The following EPAS1 variants were observed in gnomAD, a reference collection of about 807,000 sequenced individuals.
EPAS1 encodes the protein endothelial PAS domain protein 1, also known as endothelial PAS domain-containing protein 1.
EPAS1 carries 23 observed loss-of-function variants against 87.9 expected under a neutral mutation model. That is an observed-to-expected ratio of 0.26 (90% confidence interval 0.19 to 0.37). The LOEUF (loss-of-function observed/expected upper bound fraction) is 0.37, where lower values mean the gene tolerates loss of function less well. Ranked by LOEUF, EPAS1 falls within the 10% of genes least tolerant of loss-of-function variation. The pLI, the probability that EPAS1 is intolerant of heterozygous loss-of-function variation, is 1.00. For missense variants in EPAS1, 1,138 were observed against 1,120.7 expected, an observed-to-expected ratio of 1.02 and a Z score of -0.22; for synonymous variants, 508 against 444.3, an observed-to-expected ratio of 1.14 and a Z score of -1.80.
chr2:46,378,786 C>G lies in EPAS1; in HGVS notation c.1554+19C>G. On this transcript the variant is annotated intron_variant, in intron 11 of 15. Coordinates refer to ENST00000263734, the MANE Select transcript of EPAS1 (RefSeq NM_001430.5). ...TACCCAGGTAGATGGCTGTGGAGATCAGGCTAGGGTGTGTGCCTGCTGTCT... is the reference window on the plus strand; with the variant it reads ...TACCCAGGTAGATGGCTGTGGAGATGAGGCTAGGGTGTGTGCCTGCTGTCT... 1 of 1,596,244 alleles carries G rather than the reference C, an allele frequency of 6.3e-7. No individual in the cohort carries two copies. Among genetic ancestry groups the G allele is most frequent in the Non-Finnish European group, 8.6e-7 (1 of 1,163,740 alleles).
rs1294052630 is a variant in EPAS1 at position 46,386,583 on chromosome 2, A to G, written c.*1923A>G. 1 of 152,686 alleles carries G rather than the reference A, an allele frequency of 6.5e-6. No homozygotes were observed. The highest frequency in any genetic ancestry group is 2.4e-5 in the African/African-American group (1 of 41,476). 9.5% of individuals were successfully genotyped at this position (152,686 alleles called of 1,614,324 possible). ...CCCTACCTGTCAACGTAACGATTTCATGAACGTTATTATATTGTCGAATTC... is the reference window on the plus strand; with the variant it reads ...CCCTACCTGTCAACGTAACGATTTCGTGAACGTTATTATATTGTCGAATTC... On this transcript the variant is annotated 3_prime_UTR_variant, in exon 16 of 16. Coordinates refer to ENST00000263734, the MANE Select transcript of EPAS1 (RefSeq NM_001430.5).
At chr2:46,301,024 TA>T (rs1056767486) in intron 1 of EPAS1, among the ~76,000 whole-genome samples, 10 of 152,372 alleles carry the variant, frequency 6.6e-5, no homozygotes, top group African/African-American at 2.4e-4. Flanking sequence ...TCCATTGTAT[TA>T]CCAGCAGCGC....
chr2:46,343,569 C>G (rs1868084), intron 1 of EPAS1, among the ~76,000 whole-genome samples: 21,700 of 152,212 alleles, frequency 0.14, 1,891 homozygotes, highest in Admixed American at 0.23. Context: ...GTTTCTATCT[C>G]TCAGGGTTGT....
chr2:46,384,226 T>TG (rs1002829587), intron 15 of EPAS1, among the ~76,000 whole-genome samples: 4 of 152,198 alleles, frequency 2.6e-5, no homozygotes, highest in African/African-American at 7.2e-5. Flanking sequence ...CCAGGAGGCA[T>TG]GGGGGTCAGC....
chr2:46,319,438 C>T, intron 1 of EPAS1, among the ~76,000 whole-genome samples: 1 of 152,208 alleles, frequency 6.6e-6, no homozygotes, highest in East Asian at 1.9e-4. Flanking sequence ...GGCACTCTTT[C>T]TTCTTTATAC....
Position 46,297,819 on chromosome 2 carries a change from C to T in EPAS1, c.-93C>T, listed in dbSNP as rs1333966016. 12 of 1,538,734 alleles carry T rather than the reference C, an allele frequency of 7.8e-6. No individual in the cohort carries two copies. The highest frequency in any genetic ancestry group is 2.4e-5 in the East Asian group (1 of 40,988). Reference sequence around the variant, plus strand: ...GCACCTCGGACCTTCACCACCCGCCCGGGCCGCGGGGAGCGGACGAGGGCC... The same window carrying T: ...GCACCTCGGACCTTCACCACCCGCCTGGGCCGCGGGGAGCGGACGAGGGCC... On this transcript the variant is annotated 5_prime_UTR_variant, in exon 1 of 16. Transcript: ENST00000263734.
At position 46,375,454 on chromosome 2, in the gene EPAS1, C is replaced by T. The variant is rs1684723929; in HGVS notation, c.887-236C>T. Among the ~76,000 whole-genome samples, 1 of 152,142 alleles carries T rather than the reference C, an allele frequency of 6.6e-6. No homozygotes were observed. The highest frequency in any genetic ancestry group is 2.4e-5 in the African/African-American group (1 of 41,416). The stretch of plus-strand genomic sequence containing the variant: ...AGCGGGTCCCTCCCTCAGTAGACAG[C>T]CTTGGGCAAGTCATTTCACCTCTTC... On this transcript the variant is annotated intron_variant, in intron 7 of 15. Coordinates refer to ENST00000263734, the MANE Select transcript of EPAS1 (RefSeq NM_001430.5). The surrounding 1 kb of genome is among the most constrained non-coding windows in gnomAD (Gnocchi z 4.1).
Position 46,334,935 on chromosome 2 carries a change from G to C in EPAS1, c.27-11938G>C, listed in dbSNP as rs566968889. Reference sequence around the variant, plus strand: ...AAAGCAAGTGTTCGCGCTGTGGCATGAATCAGATCCCACAATACTAGACAT... The same window carrying C: ...AAAGCAAGTGTTCGCGCTGTGGCATCAATCAGATCCCACAATACTAGACAT... On this transcript the variant is annotated intron_variant, in intron 1 of 15. Transcript: ENST00000263734. Among the ~76,000 whole-genome samples the C allele has an allele frequency of 3.9e-5, 6 of 152,310 alleles. No homozygotes were observed. In the South Asian group the frequency reaches 1.2e-3, roughly 32 times the overall value.
At chr2:46,365,245 A>C (rs1009133348) in intron 6 of EPAS1, among the ~76,000 whole-genome samples, 2 of 152,222 alleles carry the variant, frequency 1.3e-5, no homozygotes, top group African/African-American at 4.8e-5. Context: ...CACCAGGGGA[A>C]GAGGTTTCAA....
At chr2:46,367,691 T>C (rs1221453203) in intron 6 of EPAS1, among the ~76,000 whole-genome samples, 1 of 152,234 alleles carries the variant, frequency 6.6e-6, no homozygotes, top group Non-Finnish European at 1.5e-5. Flanking sequence ...ACAAATGAGC[T>C]GCTAGGATCT....
At chr2:46,361,425 A>C (rs928415216) in intron 6 of EPAS1, among the ~76,000 whole-genome samples, 1 of 152,200 alleles carries the variant, frequency 6.6e-6, no homozygotes, top group Non-Finnish European at 1.5e-5. Flanking sequence ...CAGGAGAAAG[A>C]GTCTAGAGAC....
chr2:46,348,930 G>T (rs1684089152), intron 2 of EPAS1, among the ~76,000 whole-genome samples: 1 of 152,146 alleles, frequency 6.6e-6, no homozygotes, highest in Admixed American at 6.5e-5. Flanking sequence ...ACTAAATTTG[G>T]ACTCGTTGTG....
intron 1 of EPAS1, among the ~76,000 whole-genome samples, chr2:46,320,430 T>C (rs1683431546): frequency 6.6e-6 from 1 of 152,248 alleles, no homozygotes; most frequent in South Asian, 2.1e-4. Context: ...GCATAGCAAC[T>C]CCTACGTGGA....
chr2:46,382,586 C>G lies in EPAS1; in HGVS notation c.2449C>G (p.His817Asp). 2 of 1,614,106 alleles carry G rather than the reference C, an allele frequency of 1.2e-6. No homozygotes were observed. The highest frequency in any genetic ancestry group is 1.7e-6 in the Non-Finnish European group (2 of 1,180,038). The change falls in exon 15 of 16, where the codon CAC (histidine) becomes GAC (aspartate). Residue 817 changes from histidine to aspartate, a missense_variant. Coordinates refer to ENST00000263734, the MANE Select transcript of EPAS1 (RefSeq NM_001430.5). ...CCAGGACTACAGCCTGTCGTCAGCC[C>G]ACAAGGTGTCAGGTGGGTGTGCCCA... Reference protein sequence around the residue: ...QYQDYSLSSAHKVSGMASRLL... With the variant: ...QYQDYSLSSADKVSGMASRLL...
At chr2:46,379,069 A>T (rs1684823104) in intron 11 of EPAS1, among the ~76,000 whole-genome samples, 1 of 152,246 alleles carries the variant, frequency 6.6e-6, no homozygotes, top group African/African-American at 2.4e-5. Context: ...TACATTTAAC[A>T]AGCATAGCCA....
At position 46,375,505 on chromosome 2, in the gene EPAS1, T is replaced by G. The variant is rs1460201721; in HGVS notation, c.887-185T>G. The G allele has an allele frequency of 2.9e-6, 2 of 680,820 alleles. No individual in the cohort carries two copies. Among genetic ancestry groups the G allele is most frequent in the Non-Finnish European group, 5.1e-6 (2 of 394,890 alleles). The allele number at this position is 680,820 out of a possible 1,614,324, so 42.2% of individuals were successfully genotyped here. On this transcript the variant is annotated intron_variant, in intron 7 of 15. Transcript: ENST00000263734. This position sits in a 1 kb window ranked among gnomAD's most constrained non-coding sequence, Gnocchi z 4.1. Reference sequence around the variant, plus strand: ...TCACCTCTTTTTCCTATATTTAAAATGAAGAGTTGGCTGAGGTGATCCCTA... The same window carrying G: ...TCACCTCTTTTTCCTATATTTAAAAGGAAGAGTTGGCTGAGGTGATCCCTA...
chr2:46,380,473 C>T lies in EPAS1; in HGVS notation c.1801C>T (p.His601Tyr), dbSNP rs2103672947. ...QLESKKTEPE[H>Y]RPMSSIFFDA... ...GGAGAGCAAGAAGACAGAGCCCGAG[C>T]ACCGGCCCATGTCCTCCATCTTCTT... Residue 601 changes from histidine to tyrosine, a missense_variant, in exon 12 of 16, where the codon CAC becomes TAC. By Grantham distance (83) the His-to-Tyr change is moderately conservative. Transcript: ENST00000263734. This position sits in a 1 kb window ranked among gnomAD's most constrained non-coding sequence, Gnocchi z 4.4. 1.9e-6 allele frequency: 3 copies of T among 1,614,150 alleles called. No individual in the cohort carries two copies. Among genetic ancestry groups the T allele is most frequent in the Non-Finnish European group, 2.5e-6 (3 of 1,180,036 alleles).
At chr2:46,323,142 A>G (rs1295359683) in intron 1 of EPAS1, among the ~76,000 whole-genome samples, 1 of 152,224 alleles carries the variant, frequency 6.6e-6, no homozygotes, top group Non-Finnish European at 1.5e-5. Context: ...CACTCAGCAC[A>G]CAGGCAACAC....
intron 1 of EPAS1, among the ~76,000 whole-genome samples, chr2:46,332,108 C>T (rs1323270381): frequency 6.6e-6 from 1 of 152,150 alleles, no homozygotes; most frequent in Admixed American, 6.5e-5. Flanking sequence ...CAGAAACCAA[C>T]CATTGCTTTA....
Sources: gnomAD v4.1 joint callset for allele counts (sites outside exome capture counted in the v4.1 genomes callset) on GRCh38, gnomAD v4.1.1 for gene constraint, Gnocchi (gnomAD v3.1) non-coding constraint, MANE v1.5 for transcripts, NCBI Gene and HGNC (gene_info 2026-07-23, HGNC 2026-07-21) for gene names.